Variants in IL16 observed in about 807,000 individuals in gnomAD.
The protein encoded by IL16 is interleukin 16.
A neutral mutation model predicts 110.1 loss-of-function variants in IL16; 67 were observed. The observed-to-expected ratio is 0.61, with a 90% CI of 0.50 to 0.75. IL16 has a LOEUF of 0.75. IL16 is among the 30% of genes least tolerant of loss of function. The pLI is 0.00. For missense variants in IL16, 1,545 were observed against 1,655.0 expected, an observed-to-expected ratio of 0.93 and a Z score of 1.15; for synonymous variants, 689 against 662.9, an observed-to-expected ratio of 1.04 and a Z score of -0.61.
intron 2 of IL16, among the ~76,000 whole-genome samples, chr15:81,251,716 A>G (rs536789174): frequency 7.5e-4 from 115 of 152,340 alleles, no homozygotes; most frequent in Non-Finnish European, 1.2e-3. Context: ...GTCATTGCAT[A>G]TATTACTTTG....
intron 6 of IL16, among the ~76,000 whole-genome samples, chr15:81,275,124 T>C (rs76028034): frequency 0.011 from 1,680 of 151,062 alleles, 33 homozygotes; most frequent in African/African-American, 0.04. Flanking sequence ...GACATTGCCT[T>C]ATATAGAGTA....
chr15:81,238,212 A>G (rs1451301958), intron 2 of IL16, among the ~76,000 whole-genome samples: 1 of 152,020 alleles, frequency 6.6e-6, no homozygotes, highest in East Asian at 1.9e-4. Context: ...TAGTCTCTGT[A>G]TTTTAACTGG....
At chr15:81,198,248 G>A (rs1424422249) in intron 1 of IL16, among the ~76,000 whole-genome samples, 3 of 152,058 alleles carry the variant, frequency 2.0e-5, no homozygotes, top group Admixed American at 6.6e-5. Context: ...CAGGCACCAA[G>A]CTAAAATATT....
intron 10 of IL16, among the ~76,000 whole-genome samples, chr15:81,286,104 G>C (rs568233831): frequency 1.3e-5 from 2 of 152,312 alleles, no homozygotes; most frequent in South Asian, 4.1e-4. Context: ...GTCCCAGCTA[G>C]TAGACCAAGA....
At chr15:81,186,564 A>G (rs1895422693) in intron 1 of IL16, among the ~76,000 whole-genome samples, 1 of 152,232 alleles carries the variant, frequency 6.6e-6, no homozygotes, top group African/African-American at 2.4e-5. Flanking sequence ...CAACCTCAGA[A>G]AAACAGATCA....
intron 2 of IL16, among the ~76,000 whole-genome samples, chr15:81,231,186 C>T (rs1275168611): frequency 6.6e-6 from 1 of 151,676 alleles, no homozygotes; most frequent in Non-Finnish European, 1.5e-5. Flanking sequence ...ATAACAATAA[C>T]ATAACATAGC....
rs1900188989 is a variant in IL16, at chr15:81,299,987, G to T, written c.2661G>T (p.Leu887Phe). 6.3e-7 allele frequency: 1 copy of T among 1,598,730 alleles called. No individual in the cohort carries two copies. Among genetic ancestry groups the T allele is most frequent in the Non-Finnish European group, 8.5e-7 (1 of 1,171,902 alleles). The change falls in exon 14 of 19, where the codon TTG (leucine) becomes TTT (phenylalanine). Residue 887 changes from leucine to phenylalanine, a missense_variant. This residue lies in a region of IL16 where 1,185 missense variants were observed against 1,238.8 expected (regional missense o/e 0.96). Coordinates refer to ENST00000683961, the MANE Select transcript of IL16 (RefSeq NM_172217.5). ...KHEEGRFSGL[L>F]GRGAAPTLVP... ...AGGAAGGACGGTTTTCTGGACTCTT[G>T]GGGCGAGGGGCTGCACCCACTCTTG...
At chr15:81,258,748 TGTC>T in intron 2 of IL16, among the ~76,000 whole-genome samples, 1 of 149,114 alleles carries the variant, frequency 6.7e-6, no homozygotes, top group African/African-American at 2.5e-5. Context: ...TCTCTCTCTC[TGTC>T]ACTCGCTCTC....
chr15:81,237,865 C>T (rs889071568), intron 2 of IL16, among the ~76,000 whole-genome samples: 2 of 151,546 alleles, frequency 1.3e-5, no homozygotes, highest in African/African-American at 4.8e-5. Context: ...TTTATTCACT[C>T]TACCAGTCTC....
At chr15:81,212,012 AT>A (rs1896262806) in intron 1 of IL16, among the ~76,000 whole-genome samples, 1 of 152,128 alleles carries the variant, frequency 6.6e-6, no homozygotes, top group East Asian at 1.9e-4. Context: ...TTGTGGCTTC[AT>A]AGGATAAGTT....
At chr15:81,265,836 T>C in intron 4 of IL16, 35 bp downstream of exon 4, 1 of 1,588,294 alleles carries the variant, frequency 6.3e-7, no homozygotes. Flanking sequence ...AGAGAAGAGT[T>C]TCTCCCGGGG....
chr15:81,237,050 CA>C (rs1897199947), intron 2 of IL16, among the ~76,000 whole-genome samples: 2 of 152,178 alleles, frequency 1.3e-5, no homozygotes, highest in African/African-American at 4.8e-5. Context: ...CATTACAACC[CA>C]TGTAGGCTTC....
At chr15:81,272,096 G>A (rs67106133) in intron 5 of IL16, among the ~76,000 whole-genome samples, 23,965 of 152,206 alleles carry the variant, frequency 0.16, 2,258 homozygotes, top group Middle Eastern at 0.23. Context: ...CCTGTAATAC[G>A]TGCTTCTTGA....
upstream of IL16, among the ~76,000 whole-genome samples, chr15:81,192,637 T>C (rs1895516236): frequency 6.6e-6 from 1 of 152,114 alleles, no homozygotes; most frequent in African/African-American, 2.4e-5. Context: ...AAAAACAGTT[T>C]TTAAAAGTAA....
chr15:81,291,909 ATCC>A (rs1255956722), intron 11 of IL16: 2 of 456,068 alleles, frequency 4.4e-6, no homozygotes, highest in Non-Finnish European at 8.8e-6. Context: ...TAAAATTATC[ATCC>A]TCATTTTACA....
At chr15:81,202,514 C>G (rs1159125161) in intron 1 of IL16, among the ~76,000 whole-genome samples, 2 of 148,710 alleles carry the variant, frequency 1.3e-5, no homozygotes, top group African/African-American at 5.0e-5. Context: ...TGTGATGTTC[C>G]CCTTCCTGTG....
At chr15:81,260,695 T>C (rs147687032) in intron 3 of IL16, among the ~76,000 whole-genome samples, 1 of 152,306 alleles carries the variant, frequency 6.6e-6, no homozygotes, top group East Asian at 1.9e-4. Context: ...AGAGCTCACA[T>C]TTGGGAGCTA....
At chr15:81,210,383 T>C (rs1418588631) in intron 1 of IL16, among the ~76,000 whole-genome samples, 1 of 152,230 alleles carries the variant, frequency 6.6e-6, no homozygotes, top group Admixed American at 6.5e-5. Flanking sequence ...GAATAGTTTT[T>C]CTAATTCTGT....
At chr15:81,271,409 G>C (rs1898634757) in intron 5 of IL16, among the ~76,000 whole-genome samples, 2 of 152,122 alleles carry the variant, frequency 1.3e-5, no homozygotes, top group Admixed American at 1.3e-4. Context: ...GGAATTTGAG[G>C]CCACAGTGAG....
Sources: gnomAD v4.1 joint callset for allele counts (sites outside exome capture counted in the v4.1 genomes callset) on GRCh38, gnomAD v4.1.1 for gene constraint, gnomAD v4.1.1 regional missense constraint, MANE v1.5 for transcripts, NCBI Gene and HGNC (gene_info 2026-07-23, HGNC 2026-07-21) for gene names.